Variants in WHRN observed in about 807,000 individuals in gnomAD.
WHRN encodes whirlin.
WHRN carries 41 observed loss-of-function variants against 68.3 expected under a neutral mutation model. That is an observed-to-expected ratio of 0.60 (90% confidence interval 0.47 to 0.78). The LOEUF is 0.78. Among genes scored for constraint, WHRN ranks in the 30% least tolerant of loss-of-function variants. The probability of loss-of-function intolerance (pLI) is 0.00; values close to 1 mark genes in which losing one functional copy is unlikely to be tolerated. For missense variants in WHRN, 1,243 were observed against 1,244.7 expected (o/e 1.00, Z 0.02); for synonymous variants, 560 against 561.3 (o/e 1.00, Z 0.03).
chr9:114,433,837 G>A (rs1400126415), intron 3 of WHRN, among the ~76,000 whole-genome samples: 1 of 152,158 alleles, frequency 6.6e-6, no homozygotes, highest in Non-Finnish European at 1.5e-5. Context: ...TGCTGTGGAT[G>A]GACCCGGCAA....
At chr9:114,484,981 C>T (rs1245430499) in intron 1 of WHRN, among the ~76,000 whole-genome samples, 1 of 152,110 alleles carries the variant, frequency 6.6e-6, no homozygotes, top group Admixed American at 6.5e-5. Flanking sequence ...CGCACACATG[C>T]TTCTGTGTTC....
At position 114,504,413 on chromosome 9, in the gene WHRN, G is replaced by A; in HGVS notation, c.389C>T (p.Pro130Leu). ...TPYRQPAWGG[P>L]DSAGPGEVRL... ...CACCTCCCCTGGCCCCGCGCTGTCG[G>A]GGCCGCCCCAGGCGGGCTGCCTGTA... Residue 130 changes from proline to leucine, a missense_variant, in exon 1 of 12, where the codon CCC (proline) becomes CTC (leucine). Pro to Leu is a moderately conservative substitution (Grantham distance 98). Coordinates refer to ENST00000362057, the MANE Select transcript of WHRN (RefSeq NM_015404.4). The A allele has an allele frequency of 1.2e-6, 2 of 1,605,964 alleles. No homozygotes were observed. Among genetic ancestry groups the A allele is most frequent in the Non-Finnish European group, 8.5e-7 (1 of 1,179,308 alleles).
intron 3 of WHRN, among the ~76,000 whole-genome samples, chr9:114,442,254 T>C (rs756475318): frequency 3.9e-5 from 6 of 152,360 alleles, no homozygotes; most frequent in Non-Finnish European, 7.4e-5. Context: ...GAGGACATTA[T>C]TGGGACAAAT....
chr9:114,404,409 G>A (rs1388100637), intron 9 of WHRN, among the ~76,000 whole-genome samples: 1 of 152,220 alleles, frequency 6.6e-6, no homozygotes, highest in Non-Finnish European at 1.5e-5. Flanking sequence ...TGTTTTCTTT[G>A]TTTTAAAACT....
chr9:114,491,636 A>G, intron 1 of WHRN: 1 of 233,472 alleles, frequency 4.3e-6, no homozygotes, highest in South Asian at 8.2e-5. Context: ...GTTAAGGGAA[A>G]GCACCAAGAT....
intron 1 of WHRN, among the ~76,000 whole-genome samples, chr9:114,495,193 G>A (rs1411950145): frequency 2.0e-5 from 3 of 152,262 alleles, no homozygotes; most frequent in African/African-American, 4.8e-5. Flanking sequence ...GGAGCTTGGC[G>A]TCTGCCCTGC....
rs373652923 is a variant in WHRN at position 114,406,712 on chromosome 9, G to A, written c.1879C>T (p.Arg627Cys). The change falls in exon 9 of 12, where the codon CGC becomes TGC. Residue 627 changes from arginine (R) to cysteine (C), a missense_variant. By Grantham distance (180) the Arg-to-Cys change is radical. Coordinates refer to ENST00000362057, the MANE Select transcript of WHRN (RefSeq NM_015404.4). Reference sequence around the variant, plus strand: ...GGTGCGGTGCCCGCTGGCGGGCTGCGGTTCTGTGGAGCCGAGAAGACAGTG... The same window carrying A: ...GGTGCGGTGCCCGCTGGCGGGCTGCAGTTCTGTGGAGCCGAGAAGACAGTG... ...SGTVFSAPQN[R>C]SPPAGTAPTP... 9.0e-5 allele frequency: 146 copies of A among 1,614,100 alleles called. No individual in the cohort carries two copies. The highest frequency in any genetic ancestry group is 1.0e-4 in the Admixed American group (6 of 60,032).
chr9:114,451,527 A>C (rs1839331671), intron 3 of WHRN, among the ~76,000 whole-genome samples: 1 of 152,200 alleles, frequency 6.6e-6, no homozygotes, highest in African/African-American at 2.4e-5. Context: ...GAGACATCAG[A>C]AATATCACTG....
intron 1 of WHRN, chr9:114,503,434 G>C (rs1292458593): frequency 1.3e-5 from 2 of 152,368 alleles, no homozygotes; most frequent in Non-Finnish European, 2.9e-5. Flanking sequence ...CAGTAGCCCT[G>C]GGCTGTAGAT....
intron 7 of WHRN, among the ~76,000 whole-genome samples, 194 bp downstream of exon 7, chr9:114,423,120 C>G (rs1333195700): frequency 6.6e-6 from 1 of 152,104 alleles, no homozygotes; most frequent in African/African-American, 2.4e-5. Flanking sequence ...TCCCCAAGAG[C>G]CCATGCCTAG....
At chr9:114,499,618 G>C (rs537985078) in intron 1 of WHRN, among the ~76,000 whole-genome samples, 1 of 152,316 alleles carries the variant, frequency 6.6e-6, no homozygotes, top group South Asian at 2.1e-4. Context: ...CAGGATGGAG[G>C]GGGGATTATG....
chr9:114,488,115 T>C (rs576354992), intron 1 of WHRN, among the ~76,000 whole-genome samples: 142 of 152,298 alleles, frequency 9.3e-4, no homozygotes, highest in Non-Finnish European at 1.6e-3. Flanking sequence ...TCTCAAACAG[T>C]GTTCAACCCC....
chr9:114,458,713 C>A (rs1840005029), intron 3 of WHRN, among the ~76,000 whole-genome samples: 1 of 152,208 alleles, frequency 6.6e-6, no homozygotes, highest in East Asian at 1.9e-4. Flanking sequence ...AGCATCAGCA[C>A]CTAGATCTGT....
intron 3 of WHRN, among the ~76,000 whole-genome samples, chr9:114,429,223 G>A (rs1189815301): frequency 2.6e-5 from 4 of 152,186 alleles, no homozygotes; most frequent in African/African-American, 7.2e-5. Flanking sequence ...GAGCCACCGC[G>A]CCCCGCCAGT....
chr9:114,444,071 G>A (rs929387734), intron 3 of WHRN, among the ~76,000 whole-genome samples: 1 of 152,144 alleles, frequency 6.6e-6, no homozygotes, highest in Admixed American at 6.5e-5. Flanking sequence ...CCCTCCCACA[G>A]GACACAGGAA....
At chr9:114,423,937 A>T (rs554622972) in intron 6 of WHRN, among the ~76,000 whole-genome samples, 1 of 152,224 alleles carries the variant, frequency 6.6e-6, no homozygotes, top group Non-Finnish European at 1.5e-5. Context: ...TGGACCTCAA[A>T]CAGTTTGGAG....
intron 2 of WHRN, among the ~76,000 whole-genome samples, chr9:114,472,300 C>T (rs1239023677): frequency 1.3e-5 from 2 of 152,218 alleles, no homozygotes; most frequent in South Asian, 2.1e-4. Context: ...TCCCCAGACT[C>T]GGCCTGGTTG....
At chr9:114,452,652 C>G (rs1278021808) in intron 3 of WHRN, among the ~76,000 whole-genome samples, 2 of 152,216 alleles carry the variant, frequency 1.3e-5, no homozygotes, top group Non-Finnish European at 2.9e-5. Flanking sequence ...GACCCTGTCT[C>G]TCAGAGATGC....
intron 7 of WHRN, among the ~76,000 whole-genome samples, chr9:114,422,161 A>G (rs1836347757): frequency 6.6e-6 from 1 of 152,122 alleles, no homozygotes; most frequent in South Asian, 2.1e-4. Flanking sequence ...CAAGACAGCT[A>G]ATACCGTATC....
Sources: gnomAD v4.1 joint callset for allele counts (sites outside exome capture counted in the v4.1 genomes callset) on GRCh38, gnomAD v4.1.1 for gene constraint, MANE v1.5 for transcripts, NCBI Gene and HGNC (gene_info 2026-07-23, HGNC 2026-07-21) for gene names.